Variants in EBF2 observed in about 807,000 individuals in gnomAD.
EBF2 encodes the protein transcription factor COE2.
Under a neutral mutation model 72.8 loss-of-function variants are expected in EBF2, and 21 were observed. The ratio of observed to expected loss-of-function variants is 0.29; its 90% CI spans 0.20 to 0.42. EBF2 has a LOEUF of 0.42. EBF2 is among the 10% of genes least tolerant of loss of function. The pLI is 1.00. For missense variants in EBF2, 637 were observed against 731.2 expected (o/e 0.87, Z 1.49); for synonymous variants, 299 against 274.2 (o/e 1.09, Z -0.89).
chr8:25,925,169 C>T (rs1238725944), intron 6 of EBF2, among the ~76,000 whole-genome samples: 4 of 152,202 alleles, frequency 2.6e-5, no homozygotes, highest in Non-Finnish European at 5.9e-5. Context: ...ATTTTCACCT[C>T]AGTCCCGAGA....
Position 25,886,858 on chromosome 8 carries a change from T to C in EBF2, c.906A>G (p.Arg302=), listed in dbSNP as rs1401386689. The change falls in exon 10 of 16, where the codon AGA becomes AGG. Residue 302 remains arginine, a synonymous_variant. Coordinates refer to ENST00000520164, the MANE Select transcript of EBF2 (RefSeq NM_022659.4). Reference sequence around the variant, plus strand: ...GGATGTGCCGGGGAGGAGTCTGTACTCTGATGGCATGAGGGGTTATTAGCT... The same window carrying C: ...GGATGTGCCGGGGAGGAGTCTGTACCCTGATGGCATGAGGGGTTATTAGCT... The part of the protein sequence containing the change: ...WSELITPHAI[R]VQTPPRHIPG... 1.2e-6 allele frequency: 2 copies of C among 1,613,004 alleles called. No individual in the cohort carries two copies. Among genetic ancestry groups the C allele is most frequent in the Non-Finnish European group, 1.7e-6 (2 of 1,179,452 alleles).
chr8:26,039,943 G>A (rs1282128962), intron 5 of EBF2, 85 bp downstream of exon 5: 12 of 1,471,342 alleles, frequency 8.2e-6, no homozygotes, highest in Non-Finnish European at 1.1e-5. Context: ...AGTCCTGAAA[G>A]TTAGTCCCGG....
chr8:25,880,043 G>A (rs1019507203), intron 10 of EBF2, among the ~76,000 whole-genome samples: 1 of 152,026 alleles, frequency 6.6e-6, no homozygotes, highest in African/African-American at 2.4e-5. Context: ...TTGGATATTT[G>A]TCTTTTCCTC....
intron 6 of EBF2, among the ~76,000 whole-genome samples, chr8:25,921,075 CA>C (rs10708985): frequency 0.53 from 80,776 of 151,720 alleles, 23,961 homozygotes; most frequent in East Asian, 0.74. Context: ...ACCTTTGTGC[CA>C]AAAAAAGGAA....
At chr8:26,039,803 A>G (rs1338460595) in intron 5 of EBF2, among the ~76,000 whole-genome samples, 3 of 152,218 alleles carry the variant, frequency 2.0e-5, no homozygotes, top group Non-Finnish European at 4.4e-5. Context: ...CTCCTGCGAC[A>G]TCAGAGAGGT....
chr8:25,911,819 C>A (rs1288063332), intron 6 of EBF2, among the ~76,000 whole-genome samples: 2 of 152,038 alleles, frequency 1.3e-5, no homozygotes, highest in Non-Finnish European at 2.9e-5. Context: ...GTAGGTGAAA[C>A]CCACTGAGAT....
intron 10 of EBF2, among the ~76,000 whole-genome samples, chr8:25,873,493 T>C (rs1354051939): frequency 1.3e-5 from 2 of 152,266 alleles, no homozygotes; most frequent in East Asian, 1.9e-4. Flanking sequence ...AAAAGTTCAG[T>C]GTCACCAATT....
chr8:25,920,244 C>T (rs933204023), intron 6 of EBF2, among the ~76,000 whole-genome samples: 3 of 152,270 alleles, frequency 2.0e-5, no homozygotes, highest in South Asian at 2.1e-4. Context: ...CCTCATATCC[C>T]GTTTTGAGTG....
intron 6 of EBF2, among the ~76,000 whole-genome samples, chr8:26,015,839 T>C (rs1805103047): frequency 1.3e-5 from 2 of 152,210 alleles, no homozygotes; most frequent in Non-Finnish European, 2.9e-5. Context: ...GAAGAGACCC[T>C]GAGGGCAGCA....
chr8:26,007,423 A>C (rs1804900089), intron 6 of EBF2, among the ~76,000 whole-genome samples: 1 of 152,126 alleles, frequency 6.6e-6, no homozygotes, highest in African/African-American at 2.4e-5. Context: ...TTCTCCTGCC[A>C]ATATTGTCAT....
chr8:26,016,439 A>T lies in EBF2; in HGVS notation c.551+16646T>A, dbSNP rs562888072. ...TTATTCACACATTCATTCGTCTTTT[A>T]AAATTTAACCAACTTGGCCTCTACT... On this transcript the variant is annotated intron_variant, in intron 6 of 15. Transcript: ENST00000520164. Among the ~76,000 whole-genome samples the T allele has an allele frequency of 2.0e-5, 3 of 152,338 alleles. No individual in the cohort carries two copies. In the South Asian group the frequency reaches 6.2e-4, roughly 32 times the overall value.
At chr8:25,977,256 G>T (rs1280417918) in intron 6 of EBF2, among the ~76,000 whole-genome samples, 1 of 152,082 alleles carries the variant, frequency 6.6e-6, no homozygotes, top group Non-Finnish European at 1.5e-5. Flanking sequence ...CGTGCACATC[G>T]CATGCTCCCA....
At chr8:26,006,996 C>T (rs565821778) in intron 6 of EBF2, among the ~76,000 whole-genome samples, 21 of 152,266 alleles carry the variant, frequency 1.4e-4, no homozygotes, top group Admixed American at 8.5e-4. Flanking sequence ...ATAAGTTATT[C>T]GGTTACTGAA....
chr8:25,996,173 G>A (rs536673659), intron 6 of EBF2, among the ~76,000 whole-genome samples: 58 of 151,916 alleles, frequency 3.8e-4, no homozygotes, highest in African/African-American at 1.2e-3. Context: ...ATGGTCCCAC[G>A]CCTGTCATCT....
intron 7 of EBF2, among the ~76,000 whole-genome samples, chr8:25,899,289 G>A (rs556899140): frequency 1.4e-3 from 209 of 150,448 alleles, no homozygotes; most frequent in African/African-American, 4.7e-3. Context: ...TTCTTAACTA[G>A]GACTATCTGG....
intron 14 of EBF2, among the ~76,000 whole-genome samples, chr8:25,857,474 T>A (rs1173366022): frequency 1.3e-5 from 2 of 152,076 alleles, no homozygotes; most frequent in African/African-American, 4.8e-5. Flanking sequence ...GTGCAGAGAA[T>A]TGCAACAAGA....
chr8:25,861,261 C>T (rs749902408), intron 12 of EBF2, 35 bp from the exon 13 acceptor site: 1 of 1,613,770 alleles, frequency 6.2e-7, no homozygotes, highest in Non-Finnish European at 8.5e-7. Context: ...GCATTCTATC[C>T]AGCATAAAGT....
chr8:25,901,421 CAAAAAA>C (rs10712723), intron 7 of EBF2, among the ~76,000 whole-genome samples: 1 of 111,124 alleles, frequency 9.0e-6, no homozygotes, highest in Non-Finnish European at 1.9e-5. Flanking sequence ...CATCTTGTCT[CAAAAAA>C]AAAAAAAAAA....
chr8:25,859,966 C>T (rs1259803631), intron 13 of EBF2, among the ~76,000 whole-genome samples: 2 of 152,066 alleles, frequency 1.3e-5, no homozygotes, highest in East Asian at 3.9e-4. Flanking sequence ...ATCTGCCCAC[C>T]TCAGCCTCCT....
Sources: allele counts gnomAD v4.1 joint callset (sites outside exome capture counted in the v4.1 genomes callset), GRCh38; gene constraint gnomAD v4.1.1; transcripts MANE v1.5; gene names NCBI Gene and HGNC (gene_info 2026-07-23, HGNC 2026-07-21).